The following SIN3B variants were observed in gnomAD, a reference collection of about 807,000 sequenced individuals.
SIN3B encodes the protein paired amphipathic helix protein Sin3b.
SIN3B carries 19 observed loss-of-function variants against 120.2 expected under a neutral mutation model. That is an observed-to-expected ratio of 0.16 (90% CI 0.11 to 0.23). SIN3B has a LOEUF of 0.23. SIN3B is among the 10% of genes least tolerant of loss of function. The probability of loss-of-function intolerance (pLI) is 1.00; values close to 1 mark genes in which losing one functional copy is unlikely to be tolerated. For synonymous variants in SIN3B, 654 were observed against 653.2 expected (o/e 1.00, Z -0.02); for missense variants, 1,073 against 1,573.0 (o/e 0.68, Z 5.38).
Position 16,869,994 on chromosome 19 carries a change from A to G in SIN3B, c.2341A>G (p.Lys781Glu), listed in dbSNP as rs367997445. Residue 781 changes from lysine (K) to glutamate (E), a missense_variant, in exon 13 of 19, where the codon AAG becomes GAG. Lys to Glu is a moderately conservative substitution (Grantham distance 56, BLOSUM62 1). Transcript: ENST00000248054. Reference sequence around the variant, plus strand: ...GCAGCTTCTGGAGTATCGGACCGAGAAGGAGCGGGAGAAGCTGCTGTGTGA... The same window carrying G: ...GCAGCTTCTGGAGTATCGGACCGAGGAGGAGCGGGAGAAGCTGCTGTGTGA... ...QKQLLEYRTE[K>E]EREKLLCEGR... 6 of 1,613,800 alleles carry G rather than the reference A, an allele frequency of 3.7e-6. No individual in the cohort carries two copies. The highest frequency in any genetic ancestry group is 5.1e-6 in the Non-Finnish European group (6 of 1,180,022).
chr19:16,841,571 G>T (rs1971417094), intron 3 of SIN3B, among the ~76,000 whole-genome samples, 197 bp from the exon 4 acceptor site: 1 of 152,130 alleles, frequency 6.6e-6, no homozygotes, highest in South Asian at 2.1e-4. Flanking sequence ...TCGGGTGGAG[G>T]TGAGCTGGGA....
At chr19:16,835,793 A>G (rs139491489) in intron 3 of SIN3B, among the ~76,000 whole-genome samples, 1,553 of 152,244 alleles carry the variant, frequency 0.01, 11 homozygotes, top group Non-Finnish European at 0.017. Flanking sequence ...TGTTGAGATT[A>G]CAGGCGTTAG....
In SIN3B at chr19:16,862,443, G is replaced by T; in HGVS notation, c.1150G>T (p.Gly384Trp). The T allele has an allele frequency of 1.2e-6, 2 of 1,614,172 alleles. No individual in the cohort carries two copies. Among genetic ancestry groups the T allele is most frequent in the South Asian group, 1.1e-5 (1 of 91,086 alleles). The change falls in exon 9 of 19, where the codon GGG becomes TGG. Residue 384 changes from glycine (G) to tryptophan (W), a missense_variant. Gly to Trp is a radical substitution (Grantham distance 184, BLOSUM62 -2). This residue lies in a region of SIN3B where 395 missense variants were observed against 528.0 expected (regional missense o/e 0.75). Transcript: ENST00000248054. The surrounding 1 kb of genome is among the most constrained non-coding windows in gnomAD (Gnocchi z 4.7). ...ACCCATGAGCGACAGATCCGGGGAC[G>T]GGATAAGCCGGGAAATTGATTATGC... The part of the protein sequence containing the change: ...APPMSDRSGD[G>W]ISREIDYASC...
intron 3 of SIN3B, among the ~76,000 whole-genome samples, chr19:16,837,369 G>A (rs914491429): frequency 6.6e-5 from 10 of 152,236 alleles, no homozygotes; most frequent in African/African-American, 2.4e-4. Flanking sequence ...GAAACAGAGT[G>A]GATGGTGACA....
In SIN3B at chr19:16,871,410, CG is replaced by C. The variant is rs779421260; in HGVS notation, c.2592+16del. ...ACATTGCGCGGCAGGTGAGCCGGGC[CG>C]GGGTGGGGCCGGCCCTGAGGACGGC... On this transcript the variant is annotated intron_variant, in intron 14 of 18. Coordinates refer to ENST00000248054, the MANE Select transcript of SIN3B (RefSeq NM_001297595.2). The C allele has an allele frequency of 1.3e-6, 2 of 1,590,226 alleles. No homozygotes were observed. Among genetic ancestry groups the C allele is most frequent in the Admixed American group, 1.7e-5 (1 of 58,114 alleles).
At position 16,853,082 on chromosome 19, in the gene SIN3B, T is replaced by C. The variant is rs1450785633; in HGVS notation, c.863T>C (p.Leu288Pro). ...TTCTCCCCACAGAAAAAAATGAAAC[T>C]TCGTGGTACCAAAGACCTGTCCATC... is the stretch of plus-strand genomic sequence containing the variant. ...VSAPAKKKMKLRGTKDLSIAA... is the reference protein window; with the variant it reads ...VSAPAKKKMKPRGTKDLSIAA... The change falls in exon 7 of 19, where the codon CTT (leucine) becomes CCT (proline). Residue 288 changes from leucine (L) to proline (P), a missense_variant. By Grantham distance (98) the Leu-to-Pro change is moderately conservative. Transcript: ENST00000248054. 1.9e-5 allele frequency: 31 copies of C among 1,613,966 alleles called. No homozygotes were observed. The highest frequency in any genetic ancestry group is 2.2e-5 in the Non-Finnish European group (26 of 1,179,980).
chr19:16,843,827 G>A (rs948945315), intron 4 of SIN3B, among the ~76,000 whole-genome samples: 6 of 148,214 alleles, frequency 4.0e-5, no homozygotes, highest in Non-Finnish European at 8.9e-5. Flanking sequence ...ATCAGGGCCC[G>A]CCCGGCATCG....
Position 16,876,112 on chromosome 19 carries a change from G to A in SIN3B, c.2650G>A (p.Glu884Lys), listed in dbSNP as rs779593280. 2.5e-6 allele frequency: 4 copies of A among 1,600,876 alleles called. No homozygotes were observed. Among genetic ancestry groups the A allele is most frequent in the Admixed American group, 1.7e-5 (1 of 57,220 alleles). The change falls in exon 15 of 19, where the codon GAG (glutamate) becomes AAG (lysine). Residue 884 changes from glutamate to lysine, a missense_variant. By Grantham distance (56) the Glu-to-Lys change is moderately conservative. This residue lies in a region of SIN3B where 311 missense variants were observed against 400.3 expected (regional missense o/e 0.78). Coordinates refer to ENST00000248054, the MANE Select transcript of SIN3B (RefSeq NM_001297595.2). This position sits in a 1 kb window ranked among gnomAD's most constrained non-coding sequence, Gnocchi z 7.1. The stretch of plus-strand genomic sequence containing the variant: ...GAAGGTGGTGGAGCTCTACCTGAAC[G>A]AGAAGAAGCGGGGTGCCGCTGGTGG... ...CLKVVELYLN[E>K]KKRGAAGGNL...
At position 16,876,271 on chromosome 19, in the gene SIN3B, C is replaced by A; in HGVS notation, c.2766+43C>A. On this transcript the variant is annotated intron_variant, in intron 15 of 18. Coordinates refer to ENST00000248054, the MANE Select transcript of SIN3B (RefSeq NM_001297595.2). This position sits in a 1 kb window ranked among gnomAD's most constrained non-coding sequence, Gnocchi z 7.1. ...GCTGGGAACACGCCGGGAGGCCCGG[C>A]CGCTCACTCCGCTCTGGACTCAGTC... 6.4e-7 allele frequency: 1 copy of A among 1,574,744 alleles called. No homozygotes were observed. Among genetic ancestry groups the A allele is most frequent in the Admixed American group, 1.7e-5 (1 of 57,634 alleles).
chr19:16,848,756 C>T (rs1292936356), intron 5 of SIN3B, among the ~76,000 whole-genome samples: 1 of 152,206 alleles, frequency 6.6e-6, no homozygotes, highest in Non-Finnish European at 1.5e-5. Context: ...CTGCCTCAGT[C>T]TCCCAAAGTG....
rs2051483335 is a variant in SIN3B, at chr19:16,869,786, G to T, written c.2133G>T (p.Glu711Asp). 1.9e-6 allele frequency: 3 copies of T among 1,613,610 alleles called. No homozygotes were observed. The highest frequency in any genetic ancestry group is 1.7e-6 in the Non-Finnish European group (2 of 1,179,874). The change falls in exon 13 of 19, where the codon GAG (glutamate) becomes GAT (aspartate). Residue 711 changes from glutamate to aspartate, a missense_variant. Coordinates refer to ENST00000248054, the MANE Select transcript of SIN3B (RefSeq NM_001297595.2). ...CAGGACCCCACAGTAGCCCCCCAGA[G>T]GAGAAGGGGGCCTTCGGGGATGCCC... ...PAPGPHSSPP[E>D]EKGAFGDAPA...
In SIN3B at chr19:16,876,273, G is replaced by T; in HGVS notation, c.2766+45G>T. On this transcript the variant is annotated intron_variant, in intron 15 of 18. Coordinates refer to ENST00000248054, the MANE Select transcript of SIN3B (RefSeq NM_001297595.2). The surrounding 1 kb of genome is among the most constrained non-coding windows in gnomAD (Gnocchi z 7.1). Reference sequence around the variant, plus strand: ...TGGGAACACGCCGGGAGGCCCGGCCGCTCACTCCGCTCTGGACTCAGTCCT... The same window carrying T: ...TGGGAACACGCCGGGAGGCCCGGCCTCTCACTCCGCTCTGGACTCAGTCCT... 2.5e-6 allele frequency: 4 copies of T among 1,572,702 alleles called. No individual in the cohort carries two copies. Among genetic ancestry groups the T allele is most frequent in the South Asian group, 1.2e-5 (1 of 86,272 alleles).
chr19:16,874,043 G>A (rs2051548411), intron 14 of SIN3B, among the ~76,000 whole-genome samples: 1 of 152,236 alleles, frequency 6.6e-6, no homozygotes, highest in African/African-American at 2.4e-5. Context: ...GGCCTGGGCT[G>A]TGCAGGCGGG....
At chr19:16,833,785 G>A (rs986867742) in intron 3 of SIN3B, among the ~76,000 whole-genome samples, 5 of 150,818 alleles carry the variant, frequency 3.3e-5, no homozygotes, top group South Asian at 2.1e-4. Context: ...GTTCAGTGGC[G>A]CAATCTCGGC....
intron 7 of SIN3B, among the ~76,000 whole-genome samples, chr19:16,853,602 A>G (rs1971572655): frequency 6.8e-6 from 1 of 147,404 alleles, no homozygotes; most frequent in African/African-American, 2.5e-5. Flanking sequence ...GCATGGACAC[A>G]TGCATGGACT....
At position 16,876,306 on chromosome 19, in the gene SIN3B, C is replaced by A; in HGVS notation, c.2766+78C>A. 6.6e-7 allele frequency: 1 copy of A among 1,513,954 alleles called. No individual in the cohort carries two copies. The highest frequency in any genetic ancestry group is 8.9e-7 in the Non-Finnish European group (1 of 1,118,644). 93.8% of individuals were successfully genotyped at this position (1,513,954 alleles called of 1,614,324 possible). ...CGCTCTGGACTCAGTCCTGGGTGGA[C>A]CCTGGTTCAGCGGCTGGGACACCGG... On this transcript the variant is annotated intron_variant, in intron 15 of 18. Transcript: ENST00000248054. The surrounding 1 kb of genome is among the most constrained non-coding windows in gnomAD (Gnocchi z 7.1).
Position 16,876,350 on chromosome 19 carries a change from GA to G in SIN3B, c.2766+123del. 1 of 1,397,324 alleles carries G rather than the reference GA, an allele frequency of 7.2e-7. No individual in the cohort carries two copies. The highest frequency in any genetic ancestry group is 9.8e-7 in the Non-Finnish European group (1 of 1,022,920). The allele number at this position is 1,397,324 out of a possible 1,614,324, so 86.6% of individuals were successfully genotyped here. On this transcript the variant is annotated intron_variant, in intron 15 of 18. Transcript: ENST00000248054. The surrounding 1 kb of genome is among the most constrained non-coding windows in gnomAD (Gnocchi z 7.1). The stretch of plus-strand genomic sequence containing the variant: ...ACACCGGCCCTGCTGCAGAGCCCAT[GA>G]GGTACCTTTGACCTGCAGGAAGCAT...
At chr19:16,875,963 G>C (rs1292264139) in intron 14 of SIN3B, 92 bp from the exon 15 acceptor site, 1 of 1,405,448 alleles carries the variant, frequency 7.1e-7, no homozygotes, top group Non-Finnish European at 9.5e-7. Context: ...CCATCCTGAT[G>C]TGTTTCTGGC....
chr19:16,872,149 T>C (rs952007601), intron 14 of SIN3B, among the ~76,000 whole-genome samples: 3 of 151,950 alleles, frequency 2.0e-5, no homozygotes, highest in African/African-American at 7.3e-5. Flanking sequence ...CATGGTGACC[T>C]CCATTTCCTG....
Sources: allele counts gnomAD v4.1 joint callset (sites outside exome capture counted in the v4.1 genomes callset), GRCh38; gene constraint gnomAD v4.1.1; regional missense constraint gnomAD v4.1.1; non-coding constraint Gnocchi (gnomAD v3.1); transcripts MANE v1.5; gene names NCBI Gene and HGNC (gene_info 2026-07-23, HGNC 2026-07-21).